FNIP1: variants seen among roughly 807,000 people sequenced by gnomAD.
FNIP1 encodes folliculin interacting protein 1, also known as folliculin-interacting protein 1.
In FNIP1, 40 loss-of-function variants were observed where a neutral mutation model predicts 124.5. The ratio of observed to expected loss-of-function variants is 0.32; its 90% CI spans 0.25 to 0.42. FNIP1 has a LOEUF of 0.42. Ranked by LOEUF, FNIP1 falls within the 10% of genes least tolerant of loss-of-function variation. The pLI, the probability that FNIP1 is intolerant of heterozygous loss-of-function variation, is 1.00. For missense variants in FNIP1, 1,176 were observed against 1,403.7 expected (o/e 0.84, Z 2.59); for synonymous variants, 472 against 470.6 (o/e 1.00, Z -0.04).
At chr5:131,740,787 T>C (rs1012876769) in intron 2 of FNIP1, among the ~76,000 whole-genome samples, 23 of 152,016 alleles carry the variant, frequency 1.5e-4, no homozygotes, top group Admixed American at 5.2e-4. Context: ...CAGGAGGAGA[T>C]AGGAGGTTGG....
Position 131,677,885 on chromosome 5 carries a change from T to A in FNIP1, c.1350-13A>T. On this transcript the variant is annotated splice_polypyrimidine_tract_variant and intron_variant, in intron 12 of 17. Transcript: ENST00000510461. ...AGCTGGCAAGAATCTGAAAACAAAA[T>A]ACATCTGATCAGATTCCAATCAGTC... 1 of 1,611,622 alleles carries A rather than the reference T, an allele frequency of 6.2e-7. No homozygotes were observed. Among genetic ancestry groups the A allele is most frequent in the Non-Finnish European group, 8.5e-7 (1 of 1,178,580 alleles).
intron 16 of FNIP1, among the ~76,000 whole-genome samples, chr5:131,650,101 G>T (rs1017156311): frequency 6.6e-6 from 1 of 151,912 alleles, no homozygotes; most frequent in African/African-American, 2.4e-5. Flanking sequence ...ATCTCTTTGG[G>T]GTCTCTTGAG....
intron 16 of FNIP1, among the ~76,000 whole-genome samples, chr5:131,649,038 C>T (rs1766971056): frequency 1.3e-5 from 2 of 152,130 alleles, no homozygotes; most frequent in South Asian, 4.1e-4. Flanking sequence ...TATTATACCA[C>T]ATTTTGTTTA....
chr5:131,671,588 A>G lies in FNIP1; in HGVS notation c.2856T>C (p.Gly952=), dbSNP rs1338498086. 6.2e-7 allele frequency: 1 copy of G among 1,613,726 alleles called. No individual in the cohort carries two copies. The highest frequency in any genetic ancestry group is 8.5e-7 in the Non-Finnish European group (1 of 1,180,006). ...TGCTAACTTGTCTAGTCATATCATGACCTGTATCTTCACTTTCACTATCCC... is the reference window on the plus strand; with the variant it reads ...TGCTAACTTGTCTAGTCATATCATGGCCTGTATCTTCACTTTCACTATCCC... The part of the protein sequence containing the change: ...ALGDSESEDT[G]HDMTRQVSSY... Residue 952 remains glycine, a synonymous_variant, in exon 14 of 18, where the codon GGT becomes GGC. Transcript: ENST00000510461.
At chr5:131,678,710 A>T (rs1418999246) in intron 12 of FNIP1, among the ~76,000 whole-genome samples, 1 of 152,146 alleles carries the variant, frequency 6.6e-6, no homozygotes, top group Non-Finnish European at 1.5e-5. Context: ...ACGCCTGGCC[A>T]TCCTTAAATG....
intron 1 of FNIP1, among the ~76,000 whole-genome samples, chr5:131,788,575 C>T (rs956929273): frequency 1.3e-5 from 2 of 151,722 alleles, no homozygotes; most frequent in Admixed American, 1.3e-4. Flanking sequence ...GTGGCACGTG[C>T]CTGTAATCCC....
At chr5:131,655,612 T>C (rs1767167544) in intron 15 of FNIP1, among the ~76,000 whole-genome samples, 2 of 152,174 alleles carry the variant, frequency 1.3e-5, no homozygotes, top group Non-Finnish European at 2.9e-5. Context: ...TGCAAGTATG[T>C]ACTTCAAACA....
intron 1 of FNIP1, among the ~76,000 whole-genome samples, chr5:131,769,771 G>A (rs1771563471): frequency 6.6e-6 from 1 of 151,980 alleles, no homozygotes; most frequent in South Asian, 2.1e-4. Flanking sequence ...CTGCTTTTTT[G>A]TTTCACTGAA....
At chr5:131,781,457 G>C (rs995837270) in intron 1 of FNIP1, among the ~76,000 whole-genome samples, 3 of 152,186 alleles carry the variant, frequency 2.0e-5, no homozygotes, top group Non-Finnish European at 4.4e-5. Flanking sequence ...TGACTCTCCT[G>C]TTAGGGGCTA....
At chr5:131,693,915 A>T (rs1404649506) in intron 11 of FNIP1, among the ~76,000 whole-genome samples, 24 of 152,166 alleles carry the variant, frequency 1.6e-4, no homozygotes, top group African/African-American at 2.4e-5. Flanking sequence ...AGGACAAAAA[A>T]CCCAAACAGA....
In FNIP1 at chr5:131,672,112, T is replaced by C. The variant is rs961486772; in HGVS notation, c.2332A>G (p.Arg778Gly). ...TCCTTCAATGGTTTGGTGTGATGTC[T>C]GGTAATCTGATCCACCACTGCCTGA... Reference protein sequence around the residue: ...RSQAVVDQITRHHTKPLKEER... With the variant: ...RSQAVVDQITGHHTKPLKEER... The change falls in exon 14 of 18, where the codon AGA becomes GGA. Residue 778 changes from arginine to glycine, a missense_variant. Arg to Gly is a moderately radical substitution (Grantham distance 125). Coordinates refer to ENST00000510461, the MANE Select transcript of FNIP1 (RefSeq NM_133372.3). The C allele has an allele frequency of 1.2e-6, 2 of 1,614,196 alleles. No individual in the cohort carries two copies. Among genetic ancestry groups the C allele is most frequent in the Non-Finnish European group, 8.5e-7 (1 of 1,180,032 alleles).
intron 1 of FNIP1, among the ~76,000 whole-genome samples, chr5:131,795,165 A>T: frequency 6.6e-6 from 1 of 152,104 alleles, no homozygotes; most frequent in Non-Finnish European, 1.5e-5. Context: ...AAAGTGAGAG[A>T]TTCCATAATG....
chr5:131,751,591 GA>G (rs368879593), intron 1 of FNIP1, among the ~76,000 whole-genome samples: 1 of 148,324 alleles, frequency 6.7e-6, no homozygotes. Flanking sequence ...AAAAGAAGAA[GA>G]AAAAACAAAT....
At position 131,673,675 on chromosome 5, in the gene FNIP1, G is replaced by C. The variant is rs555460555; in HGVS notation, c.1520-751C>G. ...TCCACTGGCTTGCAAGGAGAGGAAA[G>C]GAGTAGTGGTAAAATGGAGCAAAGC... On this transcript the variant is annotated intron_variant, in intron 13 of 17. Transcript: ENST00000510461. Among the ~76,000 whole-genome samples the C allele has an allele frequency of 2.6e-5, 4 of 152,304 alleles. No homozygotes were observed. The East Asian group carries it at 7.7e-4, about 29-fold the overall frequency.
intron 1 of FNIP1, among the ~76,000 whole-genome samples, chr5:131,790,226 G>A (rs1185526303): frequency 6.6e-6 from 1 of 152,172 alleles, no homozygotes; most frequent in Non-Finnish European, 1.5e-5. Context: ...TGTTCTGACA[G>A]AAAATGGGGA....
chr5:131,702,582 TTC>T (rs1768939315), intron 10 of FNIP1, among the ~76,000 whole-genome samples: 2 of 152,298 alleles, frequency 1.3e-5, no homozygotes, highest in South Asian at 2.1e-4. Flanking sequence ...GAGCTTTATG[TTC>T]CAAAACATCC....
rs144774347 is a variant in FNIP1 at position 131,788,018 on chromosome 5, A to G, written c.92+8812T>C. Among the ~76,000 whole-genome samples, 43 of 152,304 alleles carry G rather than the reference A, an allele frequency of 2.8e-4. No homozygotes were observed. In the East Asian group the frequency reaches 6.4e-3, roughly 23 times the overall value. Reference sequence around the variant, plus strand: ...GTAGTAGTATGGTGTGGAGGGGAACACAGAACACACAAGAAGTGGGAAAGT... The same window carrying G: ...GTAGTAGTATGGTGTGGAGGGGAACGCAGAACACACAAGAAGTGGGAAAGT... On this transcript the variant is annotated intron_variant, in intron 1 of 17. Transcript: ENST00000510461.
At chr5:131,666,188 A>G (rs1561643906) in intron 15 of FNIP1, among the ~76,000 whole-genome samples, 2 of 152,194 alleles carry the variant, frequency 1.3e-5, no homozygotes, top group Admixed American at 1.3e-4. Context: ...TGCCTGGCCA[A>G]ATAATTTTTT....
chr5:131,685,940 T>C lies in FNIP1; in HGVS notation c.1203-6765A>G, dbSNP rs141722650. On this transcript the variant is annotated intron_variant, in intron 11 of 17. Coordinates refer to ENST00000510461, the MANE Select transcript of FNIP1 (RefSeq NM_133372.3). ...AAACCACTCTAGTTGTGTGTATGTG[T>C]GTGTTTGAATTGTGGTTAAGTTCAA... 3.8e-3 allele frequency among the ~76,000 whole-genome samples: 573 copies of C among 152,316 alleles called. 4 individuals carry two copies. The highest frequency in any genetic ancestry group is 0.013 in the African/African-American group (542 of 41,558).
Sources: gnomAD v4.1 joint callset for allele counts (sites outside exome capture counted in the v4.1 genomes callset) on GRCh38, gnomAD v4.1.1 for gene constraint, MANE v1.5 for transcripts, NCBI Gene and HGNC (gene_info 2026-07-23, HGNC 2026-07-21) for gene names.